ITPR1: variants seen among roughly 807,000 people sequenced by gnomAD.
ITPR1 encodes inositol 1,4,5-trisphosphate receptor type 1.
Under a neutral mutation model 318.4 loss-of-function variants are expected in ITPR1, and 96 were observed. The ratio of observed to expected loss-of-function variants is 0.30; its 90% CI spans 0.26 to 0.36. The LOEUF is 0.36. Ranked by LOEUF, ITPR1 falls within the 10% of genes least tolerant of loss-of-function variation. The probability of loss-of-function intolerance (pLI) is 1.00; values close to 1 mark genes in which losing one functional copy is unlikely to be tolerated. For missense variants in ITPR1, 2,440 were observed against 3,460.2 expected, an observed-to-expected ratio of 0.71 and a Z score of 7.40; for synonymous variants, 1,312 against 1,289.9, an observed-to-expected ratio of 1.02 and a Z score of -0.37.
chr3:4,817,320 C>G (rs2106499731), intron 59 of ITPR1: 1 of 152,186 alleles, frequency 6.6e-6, no homozygotes, highest in South Asian at 2.1e-4. Context: ...TATTAGGGTG[C>G]AGATCTAGAG....
At chr3:4,765,070 A>T (rs1404757777) in intron 44 of ITPR1, among the ~76,000 whole-genome samples, 1 of 149,650 alleles carries the variant, frequency 6.7e-6, no homozygotes, top group Non-Finnish European at 1.5e-5. Flanking sequence ...AACCTAAAAG[A>T]AAAGAAAAGA....
intron 4 of ITPR1, among the ~76,000 whole-genome samples, chr3:4,528,405 G>A (rs2083151373): frequency 1.3e-5 from 2 of 152,082 alleles, no homozygotes; most frequent in Non-Finnish European, 2.9e-5. Flanking sequence ...CAGGGTCTTG[G>A]GTCACAAAGG....
intron 20 of ITPR1, chr3:4,671,664 AG>A (rs1177158908): frequency 6.6e-6 from 1 of 152,316 alleles, no homozygotes; most frequent in African/African-American, 2.4e-5. Context: ...CCTGAAGGGA[AG>A]GGAAGGGGAA....
intron 4 of ITPR1, among the ~76,000 whole-genome samples, chr3:4,592,523 AAT>A (rs2090471973): frequency 6.6e-6 from 1 of 151,862 alleles, no homozygotes; most frequent in Non-Finnish European, 1.5e-5. Flanking sequence ...CTCATACAGG[AAT>A]TAGTTGGCTC....
At chr3:4,790,505 G>A (rs974014716) in intron 52 of ITPR1, among the ~76,000 whole-genome samples, 1 of 152,180 alleles carries the variant, frequency 6.6e-6, no homozygotes, top group Admixed American at 6.5e-5. Flanking sequence ...GCTGGTAAGA[G>A]AGAAATTGAA....
At chr3:4,620,609 G>A (rs1575756779) in intron 4 of ITPR1, among the ~76,000 whole-genome samples, 1 of 150,902 alleles carries the variant, frequency 6.6e-6, no homozygotes, top group South Asian at 2.1e-4. Context: ...TTTATTTATT[G>A]CAACTTGGGA....
rs1164758339 is a variant in ITPR1 at position 4,513,708 on chromosome 3, C to T, written c.-16-2768C>T. On this transcript the variant is annotated intron_variant, in intron 2 of 61. Transcript: ENST00000649015. ...GTGCATAAGAAGAAACTCAGTTCTC[C>T]ATAATCATCCGGAGTATAAGAACAT... 4.6e-5 allele frequency among the ~76,000 whole-genome samples: 7 copies of T among 152,116 alleles called. No homozygotes were observed. The South Asian group carries it at 6.2e-4, about 14-fold the overall frequency.
chr3:4,529,976 A>C (rs1440339485), intron 4 of ITPR1, among the ~76,000 whole-genome samples: 2 of 152,158 alleles, frequency 1.3e-5, no homozygotes. Flanking sequence ...AACCCAGTCA[A>C]TCTAACACCA....
At chr3:4,752,485 A>G (rs1383791931) in intron 44 of ITPR1, among the ~76,000 whole-genome samples, 2 of 152,182 alleles carry the variant, frequency 1.3e-5, no homozygotes, top group African/African-American at 4.8e-5. Flanking sequence ...ACAACACCAC[A>G]TCAGCTGCCT....
At chr3:4,791,096 C>CT (rs2047525310) in intron 52 of ITPR1, among the ~76,000 whole-genome samples, 1 of 152,190 alleles carries the variant, frequency 6.6e-6, no homozygotes, top group African/African-American at 2.4e-5. Flanking sequence ...AGTAAAGTCC[C>CT]GTTCCTCTCA....
In ITPR1 at chr3:4,753,530, C is replaced by T. The variant is rs576516016; in HGVS notation, c.5545-13000C>T. Among the ~76,000 whole-genome samples, 27 of 152,164 alleles carry T rather than the reference C, an allele frequency of 1.8e-4. 1 individual carries two copies. The South Asian group carries it at 5.6e-3, about 32-fold the overall frequency. On this transcript the variant is annotated intron_variant, in intron 44 of 61. Transcript: ENST00000649015. ...GCCAGCACACAGCAAGATGGGGATG[C>T]AGGGTGGGGAGACATGAAGAGTCCC...
chr3:4,642,599 GA>G (rs2093362410), intron 7 of ITPR1, among the ~76,000 whole-genome samples: 1 of 152,142 alleles, frequency 6.6e-6, no homozygotes, highest in Non-Finnish European at 1.5e-5. Context: ...TTCTATTTTG[GA>G]AATAAAGTTC....
intron 42 of ITPR1, 34 bp from the exon 43 acceptor site, chr3:4,733,053 GC>G (rs1355081859): frequency 7.5e-6 from 12 of 1,599,186 alleles, no homozygotes; most frequent in African/African-American, 1.3e-5. Context: ...TGCATTAAAT[GC>G]AGAAGCTGAT....
chr3:4,630,591 TA>T (rs1575805330), intron 5 of ITPR1, among the ~76,000 whole-genome samples: 1 of 148,528 alleles, frequency 6.7e-6, no homozygotes, highest in East Asian at 1.9e-4. Context: ...TTATTATTAT[TA>T]TTATTATTTT....
At chr3:4,643,821 G>A (rs889401725) in intron 7 of ITPR1, among the ~76,000 whole-genome samples, 1 of 150,786 alleles carries the variant, frequency 6.6e-6, no homozygotes, top group Non-Finnish European at 1.5e-5. Flanking sequence ...CTTAAATTTA[G>A]TTAAAACTTA....
At chr3:4,525,628 G>A (rs1008945337) in intron 4 of ITPR1, among the ~76,000 whole-genome samples, 3 of 152,166 alleles carry the variant, frequency 2.0e-5, no homozygotes, top group Non-Finnish European at 4.4e-5. Context: ...GAATAATACA[G>A]CAACTTTAGT....
chr3:4,612,877 A>T (rs2092219514), intron 4 of ITPR1, among the ~76,000 whole-genome samples: 1 of 152,192 alleles, frequency 6.6e-6, no homozygotes, highest in African/African-American at 2.4e-5. Flanking sequence ...ACAGAGTGAG[A>T]CTGCATCTCA....
chr3:4,587,467 C>A (rs35593371), intron 4 of ITPR1, among the ~76,000 whole-genome samples: 16,935 of 152,076 alleles, frequency 0.11, 1,637 homozygotes, highest in African/African-American at 0.27. Flanking sequence ...GACAGGGTTT[C>A]ACCACGTTGG....
intron 46 of ITPR1, among the ~76,000 whole-genome samples, chr3:4,774,924 G>A (rs2046396157): frequency 6.6e-6 from 1 of 152,180 alleles, no homozygotes; most frequent in Admixed American, 6.5e-5. Flanking sequence ...TGGAAGCTGG[G>A]GTGGGCAGGA....
Sources: gnomAD v4.1 joint callset for allele counts (sites outside exome capture counted in the v4.1 genomes callset) on GRCh38, gnomAD v4.1.1 for gene constraint, MANE v1.5 for transcripts, NCBI Gene and HGNC (gene_info 2026-07-23, HGNC 2026-07-21) for gene names.